Variants in USP14 observed in about 807,000 individuals in gnomAD.
USP14 encodes the protein ubiquitin specific peptidase 14.
In USP14, 38 loss-of-function variants were observed where a neutral mutation model predicts 76.5. The ratio of observed to expected loss-of-function variants is 0.50; its 90% confidence interval spans 0.38 to 0.65. The LOEUF (loss-of-function observed/expected upper bound fraction) is 0.65. USP14 is among the 30% of genes least tolerant of loss of function. The pLI is 0.00. For synonymous variants in USP14, 192 were observed against 191.7 expected, an observed-to-expected ratio of 1.00 and a Z score of -0.01; for missense variants, 467 against 586.5, an observed-to-expected ratio of 0.80 and a Z score of 2.10.
chr18:198,025 A>G (rs980917970), intron 8 of USP14, 22 bp from the exon 9 acceptor site: 2 of 1,590,630 alleles, frequency 1.3e-6, no homozygotes, highest in Non-Finnish European at 1.7e-6. Flanking sequence ...TAAAGTTGGA[A>G]TTTTTATTTT....
chr18:188,563 T>C (rs1909998923), intron 5 of USP14, among the ~76,000 whole-genome samples: 1 of 151,490 alleles, frequency 6.6e-6, no homozygotes. Context: ...ATGCTAGCTC[T>C]ATGTCTATCT....
Position 214,618 on chromosome 18 carries a change from A to G in USP14, c.*3334A>G. 6.3e-7 allele frequency: 1 copy of G among 1,584,508 alleles called. No individual in the cohort carries two copies. Among genetic ancestry groups the G allele is most frequent in the Non-Finnish European group, 8.6e-7 (1 of 1,167,306 alleles). ...TCACAGTTTTAATAAAAAGAAAAAA[A>G]AAAGAAGCTAACTATTTGTCTCATT... On this transcript the variant is annotated 3_prime_UTR_variant, in exon 16 of 16. Coordinates refer to ENST00000261601, the MANE Select transcript of USP14 (RefSeq NM_005151.4).
intron 3 of USP14, among the ~76,000 whole-genome samples, chr18:167,339 CTTTGAGATTTTG>C (rs2144213122): frequency 1.3e-5 from 2 of 152,336 alleles, no homozygotes; most frequent in East Asian, 3.9e-4. Context: ...ACTTTCTCCT[CTTTGAGATTTTG>C]TTTGAGATTA....
At chr18:200,288 GTT>G (rs1210914992) in intron 10 of USP14, among the ~76,000 whole-genome samples, 1 of 152,170 alleles carries the variant, frequency 6.6e-6, no homozygotes, top group South Asian at 2.1e-4. Context: ...TAACTATAGG[GTT>G]GTTTGTGGGT....
intron 1 of USP14, among the ~76,000 whole-genome samples, chr18:161,580 C>A (rs896156622): frequency 1.3e-5 from 2 of 152,152 alleles, no homozygotes; most frequent in African/African-American, 4.8e-5. Context: ...CCCACCCCCC[C>A]ATTAGGCTGT....
chr18:161,671 T>C (rs562252626), intron 1 of USP14, among the ~76,000 whole-genome samples: 2 of 152,320 alleles, frequency 1.3e-5, no homozygotes, highest in South Asian at 2.1e-4. Flanking sequence ...GAACTGATGA[T>C]AGAGTTGGGA....
chr18:210,171 C>A, intron 14 of USP14, 140 bp downstream of exon 14: 1 of 766,638 alleles, frequency 1.3e-6, no homozygotes, highest in Non-Finnish European at 2.1e-6. Flanking sequence ...ACCTTAATGA[C>A]ATATAGTAAA....
chr18:191,827 T>C (rs1482810095), intron 5 of USP14, among the ~76,000 whole-genome samples: 1 of 152,212 alleles, frequency 6.6e-6, no homozygotes, highest in African/African-American at 2.4e-5. Context: ...CTCTAATGGG[T>C]GTGTAGTATG....
intron 11 of USP14, 24 bp from the exon 12 acceptor site, chr18:203,074 T>C: frequency 3.1e-6 from 5 of 1,611,306 alleles, no homozygotes; most frequent in Non-Finnish European, 4.2e-6. Context: ...TGTAATGGGA[T>C]TTCTTTACAT....
intron 2 of USP14, among the ~76,000 whole-genome samples, chr18:165,543 T>G (rs1398509430): frequency 1.3e-5 from 2 of 152,238 alleles, no homozygotes; most frequent in African/African-American, 2.4e-5. Context: ...TACCATTTAT[T>G]GAGTACTTAT....
At chr18:198,894 T>G (rs1184088674) in intron 9 of USP14, among the ~76,000 whole-genome samples, 2 of 152,176 alleles carry the variant, frequency 1.3e-5, no homozygotes, top group African/African-American at 4.8e-5. Context: ...TAGAAAAACT[T>G]AGAAACAATT....
At chr18:193,665 T>TA (rs1370919604) in intron 6 of USP14, among the ~76,000 whole-genome samples, 2 of 152,236 alleles carry the variant, frequency 1.3e-5, no homozygotes, top group Admixed American at 6.5e-5. Context: ...TCTGGACTTT[T>TA]ACTCTAAATG....
chr18:197,126 C>T (rs1024001045), intron 7 of USP14, among the ~76,000 whole-genome samples: 1 of 152,226 alleles, frequency 6.6e-6, no homozygotes, highest in African/African-American at 2.4e-5. Context: ...TCTCCAGCTG[C>T]ACAGGCTTCC....
At chr18:163,286 A>C (rs550623568) in intron 1 of USP14, 22 bp from the exon 2 acceptor site, 2 of 1,573,150 alleles carry the variant, frequency 1.3e-6, no homozygotes, top group Non-Finnish European at 1.7e-6. Context: ...TTTAATTAAA[A>C]AAATTGTGAT....
chr18:210,577 C>A, intron 15 of USP14, 84 bp downstream of exon 15: 2 of 1,031,016 alleles, frequency 1.9e-6, no homozygotes, highest in Non-Finnish European at 2.7e-6. Context: ...GGTTTTCAAA[C>A]TTTGGGTCTC....
chr18:160,387 A>T (rs1369010571), intron 1 of USP14, among the ~76,000 whole-genome samples: 2 of 152,212 alleles, frequency 1.3e-5, no homozygotes, highest in East Asian at 3.9e-4. Flanking sequence ...GCCAGGGGCC[A>T]TGATGTATGC....
At chr18:166,921 C>T in intron 3 of USP14, 102 bp downstream of exon 3, 1 of 998,998 alleles carries the variant, frequency 1.0e-6, no homozygotes, top group East Asian at 2.4e-5. Context: ...CCAGTTGTTC[C>T]AGCACTATCT....
chr18:180,803 A>G (rs1487154061), intron 5 of USP14, among the ~76,000 whole-genome samples: 1 of 151,616 alleles, frequency 6.6e-6, no homozygotes, highest in African/African-American at 2.4e-5. Context: ...CACTCACGTT[A>G]CAGCACACGT....
In USP14 at chr18:212,019, T is replaced by TTAA. The variant is rs1239384371; in HGVS notation, c.*745_*747dup. ...GCTTATTTTTAGAAAATGAGGACAT[T>TTAA]TAATAATAATAAAAAAAAAGGGATT... is the stretch of plus-strand genomic sequence containing the variant. On this transcript the variant is annotated 3_prime_UTR_variant, in exon 16 of 16. Transcript: ENST00000261601. 10 of 152,078 alleles carry TTAA rather than the reference T, an allele frequency of 6.6e-5. No individual in the cohort carries two copies. Among genetic ancestry groups the TTAA allele is most frequent in the Non-Finnish European group, 1.3e-4 (9 of 68,024 alleles). 9.4% of individuals were successfully genotyped at this position (152,078 alleles called of 1,614,324 possible). A position where few individuals can be genotyped will look rare whatever the true frequency, so the allele number is the denominator to read the frequency against.
Sources: allele counts gnomAD v4.1 joint callset (sites outside exome capture counted in the v4.1 genomes callset), GRCh38; gene constraint gnomAD v4.1.1; transcripts MANE v1.5; gene names NCBI Gene and HGNC (gene_info 2026-07-23, HGNC 2026-07-21).